PSMD1: variants seen among roughly 807,000 people sequenced by gnomAD.
PSMD1 encodes 26S proteasome non-ATPase regulatory subunit 1.
PSMD1 carries 18 observed loss-of-function variants against 119.0 expected under a neutral mutation model. The ratio of observed to expected loss-of-function variants is 0.15; its 90% confidence interval spans 0.10 to 0.22. The LOEUF (loss-of-function observed/expected upper bound fraction) is 0.22, where lower values mean the gene tolerates loss of function less well. PSMD1 is among the 10% of genes least tolerant of loss of function. PSMD1 has a pLI of 1.00. For missense variants in PSMD1, 702 were observed against 1,158.5 expected (o/e 0.61, Z 5.72); for synonymous variants, 374 against 396.6 (o/e 0.94, Z 0.68).
At chr2:231,087,623 T>C (rs909845594) in intron 16 of PSMD1, among the ~76,000 whole-genome samples, 6 of 152,222 alleles carry the variant, frequency 3.9e-5, no homozygotes, top group African/African-American at 1.2e-4. Flanking sequence ...CTTTTACTTA[T>C]AGTCATGGAG....
rs1696937500 is a variant in PSMD1 at position 231,172,654 on chromosome 2, A to T, written c.*129A>T. The T allele has an allele frequency of 6.6e-6, 1 of 152,206 alleles. No homozygotes were observed. Among genetic ancestry groups the T allele is most frequent in the Admixed American group, 6.5e-5 (1 of 15,276 alleles). 9.4% of individuals were successfully genotyped at this position (152,206 alleles called of 1,614,324 possible). On this transcript the variant is annotated 3_prime_UTR_variant, in exon 25 of 25. Coordinates refer to ENST00000308696, the MANE Select transcript of PSMD1 (RefSeq NM_002807.4). Reference sequence around the variant, plus strand: ...TCGTTGCCTCTGCACTGACCTGAAGAACCCTGTCTCCAAGTCTTTGGTTGA... The same window carrying T: ...TCGTTGCCTCTGCACTGACCTGAAGTACCCTGTCTCCAAGTCTTTGGTTGA...
intron 16 of PSMD1, among the ~76,000 whole-genome samples, chr2:231,119,113 C>T (rs897955797): frequency 3.9e-5 from 6 of 152,172 alleles, no homozygotes; most frequent in African/African-American, 1.4e-4. Context: ...ATGTTTTAAG[C>T]ATTTTAATGC....
chr2:231,066,774 T>G, intron 4 of PSMD1, 132 bp from the exon 5 acceptor site: 1 of 658,526 alleles, frequency 1.5e-6, no homozygotes, highest in Non-Finnish European at 2.5e-6. Flanking sequence ...ATGCATAAGT[T>G]CTAGCATTTC....
Position 231,124,465 on chromosome 2 carries a change from A to G in PSMD1, c.1884-14271A>G, listed in dbSNP as rs142724194. Among the ~76,000 whole-genome samples the G allele has an allele frequency of 5.1e-3, 784 of 152,240 alleles. 6 individuals are homozygous for G. Among genetic ancestry groups the G allele is most frequent in the African/African-American group, 0.017 (720 of 41,540 alleles). ...ACCCACCTAGAAACACTCAAAGCCC[A>G]ACAAGGGTCTAAATAAATGTTTTAC... On this transcript the variant is annotated intron_variant, in intron 16 of 24. Coordinates refer to ENST00000308696, the MANE Select transcript of PSMD1 (RefSeq NM_002807.4).
At chr2:231,102,676 A>C (rs1401762668) in intron 16 of PSMD1, among the ~76,000 whole-genome samples, 1 of 151,992 alleles carries the variant, frequency 6.6e-6, no homozygotes, top group Non-Finnish European at 1.5e-5. Context: ...GAGGAGGAAG[A>C]GGAGAGGTTG....
chr2:231,087,674 T>G (rs1362635602), intron 16 of PSMD1, among the ~76,000 whole-genome samples: 2 of 152,118 alleles, frequency 1.3e-5, no homozygotes, highest in Non-Finnish European at 2.9e-5. Context: ...TAAGAAGTCA[T>G]ACTCTTGGCT....
chr2:231,115,837 A>C (rs1024560090), intron 16 of PSMD1, among the ~76,000 whole-genome samples: 1 of 152,154 alleles, frequency 6.6e-6, no homozygotes, highest in Non-Finnish European at 1.5e-5. Context: ...GTACTTAGAT[A>C]TGCAGGCTCT....
In PSMD1 at chr2:231,131,491, G is replaced by A. The variant is rs1432431000; in HGVS notation, c.1884-7245G>A. Reference sequence around the variant, plus strand: ...AAGTTTTTTTGCCCTTGCCGGGCGCGGTGGCTCACGCCTGTAATCCCAGCA... The same window carrying A: ...AAGTTTTTTTGCCCTTGCCGGGCGCAGTGGCTCACGCCTGTAATCCCAGCA... On this transcript the variant is annotated intron_variant, in intron 16 of 24. Transcript: ENST00000308696. 2.4e-4 allele frequency among the ~76,000 whole-genome samples: 11 copies of A among 46,258 alleles called. 5 individuals carry two copies. In the African/African-American group the frequency reaches 6.8e-3, roughly 28 times the overall value. The allele number at this position is 46,258 out of a possible 152,430, so 30.3% of individuals were successfully genotyped here.
At chr2:231,067,717 C>T (rs971699636) in intron 5 of PSMD1, among the ~76,000 whole-genome samples, 3 of 151,812 alleles carry the variant, frequency 2.0e-5, no homozygotes, top group Non-Finnish European at 4.4e-5. Context: ...AGTGCGGTGG[C>T]GCAATCTTGG....
intron 16 of PSMD1, among the ~76,000 whole-genome samples, chr2:231,103,124 G>A (rs541439685): frequency 3.3e-5 from 5 of 152,314 alleles, no homozygotes; most frequent in Admixed American, 3.3e-4. Flanking sequence ...ATCCCAGATA[G>A]GAAGTCATCC....
chr2:231,080,049 A>G (rs372865991), intron 11 of PSMD1, 92 bp from the exon 12 acceptor site: 2 of 1,171,142 alleles, frequency 1.7e-6, no homozygotes, highest in East Asian at 2.6e-5. Context: ...GCAAGTGAAC[A>G]TTCTGGGGAA....
Position 231,122,610 on chromosome 2 carries a change from G to A in PSMD1, c.1884-16126G>A, listed in dbSNP as rs150209823. Among the ~76,000 whole-genome samples the A allele has an allele frequency of 6.5e-3, 988 of 152,132 alleles. 9 individuals are homozygous for A. The highest frequency in any genetic ancestry group is 0.023 in the African/African-American group (938 of 41,504). On this transcript the variant is annotated intron_variant, in intron 16 of 24. Coordinates refer to ENST00000308696, the MANE Select transcript of PSMD1 (RefSeq NM_002807.4). The stretch of plus-strand genomic sequence containing the variant: ...ATAATTCATCAGCAGAATTATTTGT[G>A]TTTATCCAAATTTTATAACTAGAGA...
chr2:231,126,612 C>G (rs1416773271), intron 16 of PSMD1, among the ~76,000 whole-genome samples: 1 of 151,818 alleles, frequency 6.6e-6, no homozygotes, highest in African/African-American at 2.4e-5. Context: ...ATGAAATAAG[C>G]CTTTATTGAT....
intron 9 of PSMD1, 150 bp from the exon 10 acceptor site, chr2:231,078,509 A>G (rs1694221561): frequency 2.2e-6 from 1 of 455,316 alleles, no homozygotes; most frequent in Non-Finnish European, 3.8e-6. Context: ...TTTAGTCTTT[A>G]TAAAAGAAAT....
At chr2:231,133,467 T>C (rs184606826) in intron 16 of PSMD1, 9 of 152,386 alleles carry the variant, frequency 5.9e-5, no homozygotes, top group Non-Finnish European at 7.3e-5. Context: ...TCTGAATTCT[T>C]ACCTAGCATT....
At chr2:231,108,440 A>G (rs1057029086) in intron 16 of PSMD1, 1 of 1,009,240 alleles carries the variant, frequency 9.9e-7, no homozygotes, top group Non-Finnish European at 1.5e-6. Context: ...AATTCTTTAT[A>G]TAATATATTC....
intron 16 of PSMD1, among the ~76,000 whole-genome samples, chr2:231,135,450 C>A (rs1288707921): frequency 6.6e-6 from 1 of 152,134 alleles, no homozygotes; most frequent in African/African-American, 2.4e-5. Context: ...GTTGATTGAA[C>A]ATTGTCTAAA....
At chr2:231,079,774 AT>A (rs1694260555) in intron 11 of PSMD1, among the ~76,000 whole-genome samples, 160 bp downstream of exon 11, 1 of 152,192 alleles carries the variant, frequency 6.6e-6, no homozygotes, top group Non-Finnish European at 1.5e-5. Context: ...ATACTGAAGT[AT>A]TTATATGTGT....
chr2:231,087,188 A>G lies in PSMD1; in HGVS notation c.1883+7A>G, dbSNP rs767677369. The G allele has an allele frequency of 5.0e-6, 8 of 1,609,206 alleles. No homozygotes were observed. In the South Asian group the frequency reaches 8.8e-5, roughly 18 times the overall value. On this transcript the variant is annotated splice_region_variant and intron_variant, in intron 16 of 24. Transcript: ENST00000308696. ...TTGGGTTCATTCTATTCAGGTAATA[A>G]CTTCAAACTTCTTATTCTATTTATA...
Sources: allele counts gnomAD v4.1 joint callset (sites outside exome capture counted in the v4.1 genomes callset), GRCh38; gene constraint gnomAD v4.1.1; transcripts MANE v1.5; gene names NCBI Gene and HGNC (gene_info 2026-07-23, HGNC 2026-07-21).